IL18R1: variants seen among roughly 807,000 people sequenced by gnomAD.
IL18R1 encodes the protein interleukin 18 receptor 1.
A neutral mutation model predicts 48.5 loss-of-function variants in IL18R1; 40 were observed. That is an observed-to-expected ratio of 0.82 (90% CI 0.64 to 1.07). IL18R1 has a LOEUF of 1.07. IL18R1 is among the 50% of genes least tolerant of loss of function. The probability of loss-of-function intolerance (pLI) is 0.00; values close to 1 mark genes in which losing one functional copy is unlikely to be tolerated. For synonymous variants in IL18R1, 232 were observed against 225.9 expected, an observed-to-expected ratio of 1.03 and a Z score of -0.24; for missense variants, 596 against 633.7, an observed-to-expected ratio of 0.94 and a Z score of 0.64.
intron 4 of IL18R1, among the ~76,000 whole-genome samples, chr2:102,374,269 A>G (rs569247611): frequency 6.6e-6 from 1 of 152,312 alleles, no homozygotes; most frequent in Admixed American, 6.5e-5. Context: ...TCTGAACAGA[A>G]CTTGGGAAAT....
intron 2 of IL18R1, among the ~76,000 whole-genome samples, chr2:102,365,238 T>G (rs1678819551): frequency 6.6e-6 from 1 of 152,188 alleles, no homozygotes; most frequent in Non-Finnish European, 1.5e-5. Context: ...ACTTCCTAGA[T>G]ACAATGGGAG....
intron 1 of IL18R1, among the ~76,000 whole-genome samples, chr2:102,360,232 A>G (rs1678493688): frequency 6.6e-6 from 1 of 152,224 alleles, no homozygotes; most frequent in African/African-American, 2.4e-5. Context: ...ATTATGTAAT[A>G]TTAGGTGGAA....
intron 5 of IL18R1, among the ~76,000 whole-genome samples, chr2:102,380,030 C>T (rs569068066): frequency 7.9e-5 from 12 of 152,306 alleles, no homozygotes; most frequent in Admixed American, 7.2e-4. Context: ...GCTCGTGAAT[C>T]ACAGTCACCT....
At chr2:102,373,334 A>T (rs947359223) in intron 4 of IL18R1, among the ~76,000 whole-genome samples, 1 of 152,192 alleles carries the variant, frequency 6.6e-6, no homozygotes. Context: ...GCTGGAAACC[A>T]TCATTCTCAG....
chr2:102,364,999 A>C (rs1470059222), intron 2 of IL18R1, among the ~76,000 whole-genome samples: 2 of 152,130 alleles, frequency 1.3e-5, no homozygotes, highest in Non-Finnish European at 2.9e-5. Flanking sequence ...GCTTATGGGA[A>C]CTACAATTCA....
At chr2:102,360,603 G>T (rs1559615803) in intron 1 of IL18R1, among the ~76,000 whole-genome samples, 1 of 152,136 alleles carries the variant, frequency 6.6e-6, no homozygotes, top group Non-Finnish European at 1.5e-5. Flanking sequence ...AAAAGTACAA[G>T]AAAACATGTT....
intron 4 of IL18R1, among the ~76,000 whole-genome samples, chr2:102,374,908 C>T (rs1464720026): frequency 1.3e-5 from 2 of 152,234 alleles, no homozygotes; most frequent in South Asian, 2.1e-4. Context: ...TGACTTCACC[C>T]GAGAGCAAGG....
chr2:102,371,885 G>A lies in IL18R1; in HGVS notation c.303-68G>A, dbSNP rs972752059. 6.0e-6 allele frequency: 5 copies of A among 839,406 alleles called. No individual in the cohort carries two copies. The African/African-American group carries it at 8.8e-5, about 15-fold the overall frequency. The allele number at this position is 839,406 out of a possible 1,614,324, so 52.0% of individuals were successfully genotyped here. ...AAAAATATTGTAACTGGTTACTAAA[G>A]GGAAGATGGGTGATATTTGCAAAGT... On this transcript the variant is annotated intron_variant, in intron 3 of 10. Transcript: ENST00000233957.
chr2:102,390,949 AAG>A (rs1553677921), intron 9 of IL18R1, among the ~76,000 whole-genome samples: 2 of 150,866 alleles, frequency 1.3e-5, no homozygotes, highest in African/African-American at 2.4e-5. Context: ...AAAAAAAAAA[AAG>A]AGAGAGAAAA....
intron 3 of IL18R1, among the ~76,000 whole-genome samples, chr2:102,369,926 T>C (rs902632637): frequency 9.9e-5 from 15 of 152,264 alleles, no homozygotes; most frequent in Admixed American, 4.6e-4. Context: ...TTTTCAATGA[T>C]AGAGATGAAG....
Position 102,394,612 on chromosome 2 carries a change from G to A in IL18R1, c.1255G>A (p.Val419Ile), listed in dbSNP as rs755764999. The change falls in exon 10 of 11, where the codon GTA (valine) becomes ATA (isoleucine). Residue 419 changes from valine to isoleucine, a missense_variant. Around this residue, in one of 3 missense-constraint regions of IL18R1, gnomAD observed 179 missense variants for 206.1 expected, o/e 0.87. Coordinates refer to ENST00000233957, the MANE Select transcript of IL18R1 (RefSeq NM_003855.5). ...GYKLCIFERD[V>I]VPGGAVVDEI... is the part of the protein sequence containing the mutation. ...TAAGTTATGCATATTTGAAAGGGATGTAGTGCCTGGAGGAGGTAAGAGGGA... is the reference window on the plus strand; with the variant it reads ...TAAGTTATGCATATTTGAAAGGGATATAGTGCCTGGAGGAGGTAAGAGGGA... 14 of 1,609,358 alleles carry A rather than the reference G, an allele frequency of 8.7e-6. No homozygotes were observed. In the African/African-American group the frequency reaches 1.7e-4, roughly 20 times the overall value.
At position 102,374,329 on chromosome 2, in the gene IL18R1, C is replaced by A. The variant is rs183104373; in HGVS notation, c.469-1578C>A. Reference sequence around the variant, plus strand: ...TTGAAATTTTTGTTTGTGCCTTATGCTTGAACACTGTTTACTTGTGATTTC... The same window carrying A: ...TTGAAATTTTTGTTTGTGCCTTATGATTGAACACTGTTTACTTGTGATTTC... On this transcript the variant is annotated intron_variant, in intron 4 of 10. Coordinates refer to ENST00000233957, the MANE Select transcript of IL18R1 (RefSeq NM_003855.5). 3.2e-3 allele frequency among the ~76,000 whole-genome samples: 482 copies of A among 152,246 alleles called. 3 individuals carry two copies. Among genetic ancestry groups the A allele is most frequent in the African/African-American group, 0.011 (458 of 41,532 alleles).
Position 102,385,455 on chromosome 2 carries a change from C to T in IL18R1, c.809+457C>T, listed in dbSNP as rs186993232. Among the ~76,000 whole-genome samples the T allele has an allele frequency of 7.2e-5, 11 of 152,244 alleles. 1 individual carries two copies. The highest frequency in any genetic ancestry group is 6.5e-4 in the Admixed American group (10 of 15,290). ...CTATATTCTTCCATTAAGGAATGGTCAAACTTATAAAAAGAATCAGTCTAA... is the reference window on the plus strand; with the variant it reads ...CTATATTCTTCCATTAAGGAATGGTTAAACTTATAAAAAGAATCAGTCTAA... On this transcript the variant is annotated intron_variant, in intron 7 of 10. Transcript: ENST00000233957.
intron 3 of IL18R1, among the ~76,000 whole-genome samples, chr2:102,369,900 G>A (rs572539108): frequency 1.1e-4 from 16 of 152,278 alleles, no homozygotes; most frequent in African/African-American, 3.9e-4. Context: ...GAAGGAAGGG[G>A]ATACAAAAGG....
chr2:102,378,454 A>G (rs919105978), intron 5 of IL18R1, among the ~76,000 whole-genome samples: 7 of 152,092 alleles, frequency 4.6e-5, no homozygotes, highest in African/African-American at 1.7e-4. Flanking sequence ...AGGTTCCCAA[A>G]CCTCACCTGC....
chr2:102,377,737 ACT>A (rs1679678503), intron 5 of IL18R1, among the ~76,000 whole-genome samples: 1 of 151,826 alleles, frequency 6.6e-6, no homozygotes, highest in South Asian at 2.1e-4. Context: ...CTCCTTTTTG[ACT>A]CTGACCTTTC....
Position 102,356,233 on chromosome 2 carries a change from C to A in IL18R1, c.-196C>A. ...TTTTTTTTTTTTTTTGTAGCCCTCTCTGGGTGCCTTATCTCTTTAATCACA... is the reference window on the plus strand; with the variant it reads ...TTTTTTTTTTTTTTTGTAGCCCTCTATGGGTGCCTTATCTCTTTAATCACA... On this transcript the variant is annotated 5_prime_UTR_variant, in exon 1 of 11. It adds an upstream start codon to the 5' untranslated region. Transcript: ENST00000233957. 7 of 332,490 alleles carry A rather than the reference C, an allele frequency of 2.1e-5. No individual in the cohort carries two copies. The highest frequency in any genetic ancestry group is 2.9e-5 in the Non-Finnish European group (7 of 237,550). 20.6% of individuals were successfully genotyped at this position (332,490 alleles called of 1,614,324 possible).
chr2:102,360,801 A>G (rs1332113473), intron 1 of IL18R1, among the ~76,000 whole-genome samples: 2 of 152,186 alleles, frequency 1.3e-5, no homozygotes, highest in Non-Finnish European at 2.9e-5. Flanking sequence ...TACATGTGAG[A>G]CATTTAATAT....
At chr2:102,381,784 T>A (rs2105094961) in intron 6 of IL18R1, 102 bp downstream of exon 6, 2 of 774,354 alleles carry the variant, frequency 2.6e-6, no homozygotes, top group South Asian at 3.1e-5. Context: ...TGGATACACA[T>A]TTCATATTTA....
Sources: gnomAD v4.1 joint callset for allele counts (sites outside exome capture counted in the v4.1 genomes callset) on GRCh38, gnomAD v4.1.1 for gene constraint, gnomAD v4.1.1 regional missense constraint, MANE v1.5 for transcripts, NCBI Gene and HGNC (gene_info 2026-07-23, HGNC 2026-07-21) for gene names.